PIEZO1: variants seen among roughly 807,000 people sequenced by gnomAD.
PIEZO1 encodes the protein piezo-type mechanosensitive ion channel component 1.
PIEZO1 carries 296 observed loss-of-function variants against 297.2 expected under a neutral mutation model. The ratio of observed to expected loss-of-function variants is 1.00; its 90% confidence interval spans 0.91 to 1.10. PIEZO1 has a LOEUF of 1.10. Ranked by LOEUF, PIEZO1 falls within the 50% of genes least tolerant of loss-of-function variation. The pLI is 0.00. For synonymous variants in PIEZO1, 2,427 were observed against 1,507.5 expected (o/e 1.61, Z -14.13); for missense variants, 5,018 against 3,455.5 (o/e 1.45, Z -11.34).
intron 1 of PIEZO1, among the ~76,000 whole-genome samples, chr16:88,772,345 C>G (rs1446814423): frequency 2.0e-5 from 3 of 152,204 alleles, no homozygotes; most frequent in African/African-American, 7.2e-5. Flanking sequence ...GGCTTAGCCA[C>G]CAGCTCGGAA....
At chr16:88,728,465 C>T (rs1904612244) in intron 22 of PIEZO1, among the ~76,000 whole-genome samples, 1 of 148,986 alleles carries the variant, frequency 6.7e-6, no homozygotes, top group African/African-American at 2.5e-5. Context: ...AACCTCGCGA[C>T]CCAAAAGCAA....
intron 10 of PIEZO1, 159 bp downstream of exon 10, chr16:88,737,400 G>GTCGCCGTA: frequency 5.1e-6 from 3 of 586,768 alleles, no homozygotes; most frequent in Admixed American, 6.3e-5. Context: ...GGTCTCGGGG[G>GTCGCCGTA]TCACTGACAC....
At position 88,725,630 on chromosome 16, in the gene PIEZO1, C is replaced by G; in HGVS notation, c.4023G>C (p.Arg1341Ser). 1 of 1,549,840 alleles carries G rather than the reference C, an allele frequency of 6.5e-7. No homozygotes were observed. Among genetic ancestry groups the G allele is most frequent in the South Asian group, 1.2e-5 (1 of 84,052 alleles). The change falls in exon 28 of 51, where the codon AGG becomes AGC. Residue 1341 changes from arginine to serine, a missense_variant. Arg to Ser is a moderately radical substitution (Grantham distance 110). Coordinates refer to ENST00000301015, the MANE Select transcript of PIEZO1 (RefSeq NM_001142864.4). ...ANLKSIDFHR[R>S]IEEKSLAQLK... ...GCTGGGCCAGGGACTTCTCCTCTAT[C>G]CTGCGGTGAAAGTCAATGCTCTTGA...
intron 1 of PIEZO1, among the ~76,000 whole-genome samples, chr16:88,769,143 T>G (rs1305444624): frequency 6.6e-6 from 1 of 152,244 alleles, no homozygotes; most frequent in East Asian, 1.9e-4. Flanking sequence ...TGAGGTATCT[T>G]GGGGATGGGA....
chr16:88,722,245 C>G lies in PIEZO1; in HGVS notation c.4928G>C (p.Arg1643Pro). The G allele has an allele frequency of 6.5e-7, 1 of 1,547,840 alleles. No homozygotes were observed. The highest frequency in any genetic ancestry group is 8.7e-7 in the Non-Finnish European group (1 of 1,146,794). ...AGASLYQGLM[R>P]TASELLLDRR... is the part of the protein sequence containing the mutation. ...GTCCAGGAGCAGCTCGCTGGCCGTC[C>G]GCATCAGTCCCTGGTACAGAGAGGC... Residue 1643 changes from arginine to proline, a missense_variant, in exon 36 of 51, where the codon CGG (arginine) becomes CCG (proline). Transcript: ENST00000301015.
At chr16:88,743,794 C>T (rs891539349) in intron 2 of PIEZO1, 5 of 390,642 alleles carry the variant, frequency 1.3e-5, no homozygotes, top group Admixed American at 5.7e-5. Context: ...ACCAGCTTCT[C>T]ACACTCACAC....
At chr16:88,779,947 G>C (rs1384810461) in intron 1 of PIEZO1, among the ~76,000 whole-genome samples, 4 of 152,258 alleles carry the variant, frequency 2.6e-5, no homozygotes, top group Non-Finnish European at 4.4e-5. Context: ...CAGCCTGGGT[G>C]TGAGATCCAA....
chr16:88,758,688 G>A (rs1395576292), intron 1 of PIEZO1, among the ~76,000 whole-genome samples: 1 of 152,238 alleles, frequency 6.6e-6, no homozygotes, highest in Admixed American at 6.5e-5. Flanking sequence ...CCTGCAGAAT[G>A]ACACCACTGG....
chr16:88,768,203 G>C (rs1237778712), intron 1 of PIEZO1, among the ~76,000 whole-genome samples: 1 of 152,210 alleles, frequency 6.6e-6, no homozygotes, highest in East Asian at 1.9e-4. Flanking sequence ...GGCTCCTCTT[G>C]TGCGGCCTGG....
intron 1 of PIEZO1, among the ~76,000 whole-genome samples, chr16:88,772,329 T>C (rs540752340): frequency 2.7e-4 from 41 of 152,190 alleles, no homozygotes; most frequent in Non-Finnish European, 6.0e-4. Context: ...GTAAGCAGGC[T>C]CTTGTGGCTT....
chr16:88,726,671 A>G, intron 25 of PIEZO1, 28 bp from the exon 26 acceptor site: 1 of 1,434,962 alleles, frequency 7.0e-7, no homozygotes. Flanking sequence ...CAGCGGGGCC[A>G]GCGGGGCCCC....
chr16:88,716,394 G>A lies in PIEZO1; in HGVS notation c.7016C>T (p.Ala2339Val). 6.5e-7 allele frequency: 1 copy of A among 1,548,022 alleles called. No homozygotes were observed. Among genetic ancestry groups the A allele is most frequent in the Non-Finnish European group, 8.7e-7 (1 of 1,145,582 alleles). Residue 2339 changes from alanine to valine, a missense_variant, in exon 48 of 51, where the codon GCC (alanine) becomes GTC (valine). Transcript: ENST00000301015. ...GTCCGAGGTGCCCTCGAGCAGGCTG[G>A]CCAGCTGCCGCCGTGCAGTGCTGTT... ...APNSTARRQL[A>V]SLLEGTSDQS...
intron 22 of PIEZO1, among the ~76,000 whole-genome samples, chr16:88,729,535 C>T (rs12928523): frequency 3.6e-3 from 409 of 114,192 alleles, no homozygotes; most frequent in African/African-American, 0.012. Flanking sequence ...CATGCTGAAC[C>T]CACAGCCCCA....
chr16:88,723,799 C>G, intron 31 of PIEZO1, 72 bp downstream of exon 31: 1 of 826,292 alleles, frequency 1.2e-6, no homozygotes, highest in East Asian at 2.7e-5. Context: ...ATCTGACACC[C>G]TCTATGCTGC....
intron 1 of PIEZO1, among the ~76,000 whole-genome samples, chr16:88,751,123 C>A (rs1022006679): frequency 1.3e-5 from 2 of 152,182 alleles, no homozygotes; most frequent in Non-Finnish European, 2.9e-5. Flanking sequence ...CCCAGCCCAG[C>A]CCAGCTCTCA....
At chr16:88,739,778 G>C (rs372232132) in intron 5 of PIEZO1, 1 of 152,478 alleles carries the variant, frequency 6.6e-6, no homozygotes, top group Non-Finnish European at 1.5e-5. Flanking sequence ...ACCCCTCTCA[G>C]AGACCACACA....
chr16:88,750,898 G>A (rs990234683), intron 1 of PIEZO1, among the ~76,000 whole-genome samples: 1 of 151,618 alleles, frequency 6.6e-6, no homozygotes, highest in Non-Finnish European at 1.5e-5. Context: ...CAGGACCCCG[G>A]TCAGGAGGCT....
intron 1 of PIEZO1, among the ~76,000 whole-genome samples, chr16:88,766,372 G>A (rs1345836487): frequency 6.6e-6 from 1 of 152,086 alleles, no homozygotes; most frequent in Non-Finnish European, 1.5e-5. Context: ...CGCGCCCTGC[G>A]AACTTCAGAC....
Position 88,726,810 on chromosome 16 carries a change from C to T in PIEZO1, c.3604G>A (p.Ala1202Thr). Residue 1202 changes from alanine (A) to threonine (T), a missense_variant, in exon 25 of 51, where the codon GCC becomes ACC. By Grantham distance (58) the Ala-to-Thr change is moderately conservative. Transcript: ENST00000301015. ...ACFYLLLFGTALLQRDTRARL... is the reference protein window; with the variant it reads ...ACFYLLLFGTTLLQRDTRARL... ...GCCCGTGTGTCCCTCTGCAGCAGGG[C>T]CGTGCCGAAGAGCAGCAGGTAGAAG... 1 of 1,550,320 alleles carries T rather than the reference C, an allele frequency of 6.5e-7. No homozygotes were observed. Among genetic ancestry groups the T allele is most frequent in the Non-Finnish European group, 8.7e-7 (1 of 1,146,924 alleles).
Sources: gnomAD v4.1 joint callset for allele counts (sites outside exome capture counted in the v4.1 genomes callset) on GRCh38, gnomAD v4.1.1 for gene constraint, MANE v1.5 for transcripts, NCBI Gene and HGNC (gene_info 2026-07-23, HGNC 2026-07-21) for gene names.